CNTN1: variants seen among roughly 807,000 people sequenced by gnomAD.
The protein encoded by CNTN1 is contactin-1.
Under a neutral mutation model 126.4 loss-of-function variants are expected in CNTN1, and 38 were observed. The observed-to-expected ratio is 0.30, with a 90% CI of 0.23 to 0.39. CNTN1 has a LOEUF of 0.39. Among genes scored for constraint, CNTN1 ranks in the 10% least tolerant of loss-of-function variants. The pLI is 1.00. For synonymous variants in CNTN1, 413 were observed against 422.6 expected (o/e 0.98, Z 0.28); for missense variants, 1,009 against 1,248.4 (o/e 0.81, Z 2.89).
intron 1 of CNTN1, among the ~76,000 whole-genome samples, chr12:40,864,985 C>T (rs1185749901): frequency 6.6e-6 from 1 of 152,144 alleles, no homozygotes; most frequent in Non-Finnish European, 1.5e-5. Context: ...TTTTTCTCCA[C>T]ATTCTCACCA....
chr12:40,863,430 G>A (rs1943180894), intron 1 of CNTN1, among the ~76,000 whole-genome samples: 1 of 152,148 alleles, frequency 6.6e-6, no homozygotes, highest in Admixed American at 6.6e-5. Context: ...AAAACCTTAA[G>A]TATTTGACAT....
intron 23 of CNTN1, among the ~76,000 whole-genome samples, chr12:41,060,346 G>T (rs145980790): frequency 2.6e-5 from 4 of 152,300 alleles, no homozygotes; most frequent in Non-Finnish European, 4.4e-5. Flanking sequence ...TTCAAGACTT[G>T]CACTGAAGAG....
At chr12:40,837,178 A>G (rs1313834193) in intron 1 of CNTN1, among the ~76,000 whole-genome samples, 1 of 152,228 alleles carries the variant, frequency 6.6e-6, no homozygotes, top group Non-Finnish European at 1.5e-5. Context: ...ATGGCTGACT[A>G]GAAAGAAGCC....
chr12:40,752,355 A>G (rs1938435951), intron 1 of CNTN1, among the ~76,000 whole-genome samples: 2 of 152,236 alleles, frequency 1.3e-5, no homozygotes, highest in African/African-American at 2.4e-5. Flanking sequence ...TAGAATCTCA[A>G]GAGACTATAA....
At chr12:40,731,191 G>A (rs1942490968) in intron 1 of CNTN1, among the ~76,000 whole-genome samples, 2 of 151,986 alleles carry the variant, frequency 1.3e-5, no homozygotes, top group Admixed American at 1.3e-4. Context: ...TCCTTGGCAA[G>A]ACATATAGGA....
intron 1 of CNTN1, among the ~76,000 whole-genome samples, chr12:40,759,771 GAT>G (rs1491291971): frequency 7.5e-6 from 1 of 132,546 alleles, no homozygotes; most frequent in East Asian, 2.2e-4. Context: ...ACTTGGCCCA[GAT>G]ATTTTTTTTT....
chr12:40,866,414 A>G (rs1185757960), intron 1 of CNTN1, among the ~76,000 whole-genome samples: 1 of 152,190 alleles, frequency 6.6e-6, no homozygotes, highest in Non-Finnish European at 1.5e-5. Flanking sequence ...GTATTCAGCA[A>G]TTCATCTTTA....
chr12:41,017,485 G>A (rs955964046), intron 19 of CNTN1, among the ~76,000 whole-genome samples: 24 of 151,244 alleles, frequency 1.6e-4, no homozygotes, highest in Admixed American at 4.0e-4. Flanking sequence ...CAGCATTTAC[G>A]TAACTTTTTA....
chr12:40,781,045 A>G (rs1463785253), intron 1 of CNTN1, among the ~76,000 whole-genome samples: 2 of 151,914 alleles, frequency 1.3e-5, no homozygotes, highest in Non-Finnish European at 2.9e-5. Context: ...CTCATCTATA[A>G]GCAGCTAATA....
chr12:40,826,047 G>C (rs982088450), intron 1 of CNTN1, among the ~76,000 whole-genome samples: 3 of 152,106 alleles, frequency 2.0e-5, no homozygotes, highest in Non-Finnish European at 4.4e-5. Flanking sequence ...CTAAGCTAAT[G>C]CTCTTCCCAG....
chr12:41,013,096 G>A (rs1948701729), intron 17 of CNTN1, among the ~76,000 whole-genome samples: 1 of 152,140 alleles, frequency 6.6e-6, no homozygotes, highest in Admixed American at 6.5e-5. Context: ...GTTTGAGGAG[G>A]TGGTGTCTGA....
rs139226222 is a variant in CNTN1, at chr12:41,017,591, T to C, written c.2419+675T>C. 8.6e-3 allele frequency among the ~76,000 whole-genome samples: 1,308 copies of C among 152,128 alleles called. 18 individuals are homozygous for C. The highest frequency in any genetic ancestry group is 0.026 in the African/African-American group (1,090 of 41,524). On this transcript the variant is annotated intron_variant, in intron 19 of 23. Coordinates refer to ENST00000551295, the MANE Select transcript of CNTN1 (RefSeq NM_001843.4). ...ATTGTTTTCTTGAAAAGGGAAAAAT[T>C]TGTCCTGTAGGGCATTTAGGAAAAA... is the stretch of plus-strand genomic sequence containing the variant.
chr12:40,743,842 T>C (rs1348253819), intron 1 of CNTN1, among the ~76,000 whole-genome samples: 3 of 152,156 alleles, frequency 2.0e-5, no homozygotes, highest in Non-Finnish European at 2.9e-5. Context: ...TTTGATGTTT[T>C]CATCATGAAA....
At chr12:40,837,824 C>G (rs1942117822) in intron 1 of CNTN1, among the ~76,000 whole-genome samples, 1 of 152,142 alleles carries the variant, frequency 6.6e-6, no homozygotes, top group South Asian at 2.1e-4. Context: ...CAAGTTGACA[C>G]TGAGACATGG....
chr12:41,016,388 G>T (rs577129048), intron 18 of CNTN1, among the ~76,000 whole-genome samples: 1 of 152,234 alleles, frequency 6.6e-6, no homozygotes, highest in East Asian at 1.9e-4. Flanking sequence ...GTGAGGGGGT[G>T]GGAGGAGTCA....
At chr12:40,813,232 GAA>G (rs59277406) in intron 1 of CNTN1, among the ~76,000 whole-genome samples, 87,784 of 145,468 alleles carry the variant, frequency 0.6, 26,641 homozygotes, top group East Asian at 0.77. Flanking sequence ...CTTCTAAAAA[GAA>G]AAAAAAAAAA....
chr12:41,044,787 A>C (rs1428125658), intron 23 of CNTN1, among the ~76,000 whole-genome samples: 1 of 152,100 alleles, frequency 6.6e-6, no homozygotes, highest in African/African-American at 2.4e-5. Flanking sequence ...ATTTTCGGAG[A>C]ATGAACCAAT....
In CNTN1 at chr12:41,016,728, T is replaced by C; in HGVS notation, c.2231T>C (p.Val744Ala). The C allele has an allele frequency of 1.2e-6, 2 of 1,614,160 alleles. No homozygotes were observed. Among genetic ancestry groups the C allele is most frequent in the Non-Finnish European group, 1.7e-6 (2 of 1,180,006 alleles). ...YHYGNNFGYI[V>A]AFKPFDGEEW... ...TATGGCAACAATTTTGGTTACATAGTGGCATTTAAGCCATTTGATGGAGAA... is the reference window on the plus strand; with the variant it reads ...TATGGCAACAATTTTGGTTACATAGCGGCATTTAAGCCATTTGATGGAGAA... Residue 744 changes from valine to alanine, a missense_variant, in exon 19 of 24, where the codon GTG (valine) becomes GCG (alanine). Transcript: ENST00000551295.
intron 15 of CNTN1, among the ~76,000 whole-genome samples, chr12:40,977,852 G>T (rs1232632807): frequency 1.3e-5 from 2 of 151,844 alleles, no homozygotes; most frequent in Admixed American, 6.6e-5. Context: ...ACCCAGGCTG[G>T]AGTGCAGTGG....
Sources: gnomAD v4.1 joint callset for allele counts (sites outside exome capture counted in the v4.1 genomes callset) on GRCh38, gnomAD v4.1.1 for gene constraint, MANE v1.5 for transcripts, NCBI Gene and HGNC (gene_info 2026-07-23, HGNC 2026-07-21) for gene names.